Variants in EDARADD observed in about 807,000 individuals in gnomAD.
EDARADD encodes ectodysplasin-A receptor-associated adapter protein.
A neutral mutation model predicts 25.6 loss-of-function variants in EDARADD; 20 were observed. The observed-to-expected ratio is 0.78, with a 90% CI of 0.55 to 1.14. The LOEUF is 1.14. Ranked by LOEUF, EDARADD falls within the 50% of genes most tolerant of loss-of-function variation. EDARADD has a pLI of 0.00. For synonymous variants in EDARADD, 86 were observed against 94.4 expected (o/e 0.91, Z 0.52); for missense variants, 225 against 270.1 (o/e 0.83, Z 1.17).
chr1:236,395,614 C>A lies in EDARADD; in HGVS notation c.61+1109C>A. ...CCAGCCCCGCTCGGACGCTCGTTTG[C>A]CCCTAACCCGCCGCCATGGCTTCAC... On this transcript the variant is annotated intron_variant, in intron 1 of 5. Coordinates refer to ENST00000334232, the MANE Select transcript of EDARADD (RefSeq NM_145861.4). This position sits in a 1 kb window ranked among gnomAD's most constrained non-coding sequence, Gnocchi z 6.9. 6.4e-7 allele frequency: 1 copy of A among 1,564,272 alleles called. No homozygotes were observed. The highest frequency in any genetic ancestry group is 2.4e-5 in the East Asian group (1 of 42,178).
intron 3 of EDARADD, among the ~76,000 whole-genome samples, chr1:236,425,207 G>T (rs956622752): frequency 2.0e-5 from 3 of 152,234 alleles, no homozygotes; most frequent in African/African-American, 7.2e-5. Context: ...GCACAGCTGG[G>T]TGCGCTCGCC....
chr1:236,460,931 C>T (rs1202054511), intron 4 of EDARADD, among the ~76,000 whole-genome samples: 1 of 152,078 alleles, frequency 6.6e-6, no homozygotes, highest in Non-Finnish European at 1.5e-5. Context: ...AAGCGATTCT[C>T]CTGCCTCAGC....
chr1:236,364,306 A>G (rs637717), intron 3 of EDARADD, among the ~76,000 whole-genome samples: 51,949 of 151,676 alleles, frequency 0.34, 9,096 homozygotes, highest in African/African-American at 0.42. Context: ...TTGGTCTGTC[A>G]TAGCCTTGTC....
rs78641518 is a variant in EDARADD, at chr1:236,464,441, T to C, written c.220-3790T>C. Among the ~76,000 whole-genome samples the C allele has an allele frequency of 4.4e-3, 550 of 126,146 alleles. 5 individuals carry two copies. The highest frequency in any genetic ancestry group is 9.1e-3 in the South Asian group (34 of 3,718). 82.8% of individuals were successfully genotyped at this position (126,146 alleles called of 152,430 possible). Reference sequence around the variant, plus strand: ...GCTGCAACTTTTTTTTTTTTTTTTTTTTTTTTTTTGAGACAGAATCTCGCT... The same window carrying C: ...GCTGCAACTTTTTTTTTTTTTTTTTCTTTTTTTTTGAGACAGAATCTCGCT... On this transcript the variant is annotated intron_variant, in intron 4 of 5. Coordinates refer to ENST00000334232, the MANE Select transcript of EDARADD (RefSeq NM_145861.4).
intron 5 of EDARADD, among the ~76,000 whole-genome samples, chr1:236,469,967 C>T (rs1215610325): frequency 6.6e-6 from 1 of 152,000 alleles, no homozygotes; most frequent in African/African-American, 2.4e-5. Context: ...GCTTCGGCCT[C>T]CTAAAGTGCT....
intron 5 of EDARADD, among the ~76,000 whole-genome samples, chr1:236,469,585 C>A (rs1282856794): frequency 6.6e-6 from 1 of 152,078 alleles, no homozygotes; most frequent in Non-Finnish European, 1.5e-5. Flanking sequence ...AGTTTTGTTT[C>A]TTTCTTTCTT....
chr1:236,457,817 C>T (rs1188397799), intron 4 of EDARADD, among the ~76,000 whole-genome samples: 2 of 131,002 alleles, frequency 1.5e-5, no homozygotes, highest in African/African-American at 6.2e-5. Flanking sequence ...AGACTCTGTC[C>T]CCCACCAAAA....
intron 3 of EDARADD, among the ~76,000 whole-genome samples, chr1:236,351,469 C>T (rs1271469500): frequency 1.3e-5 from 2 of 152,080 alleles, no homozygotes; most frequent in Admixed American, 6.5e-5. Flanking sequence ...CCTATAATCC[C>T]AGCACTTTGG....
rs774580843 is a variant in EDARADD at position 236,482,670 on chromosome 1, T to C, written c.*21T>C. On this transcript the variant is annotated 3_prime_UTR_variant, in exon 6 of 6. Coordinates refer to ENST00000334232, the MANE Select transcript of EDARADD (RefSeq NM_145861.4). ...TCTAGAGCTCTTCTTCTTCCTTCAT[T>C]GGCCTCTCCGGATGTTGAAACAACC... The C allele has an allele frequency of 3.1e-6, 5 of 1,610,614 alleles. No individual in the cohort carries two copies. The highest frequency in any genetic ancestry group is 4.2e-6 in the Non-Finnish European group (5 of 1,180,010).
upstream of EDARADD, among the ~76,000 whole-genome samples, chr1:236,393,394 T>TTTTC (rs1667455387): frequency 8.4e-6 from 1 of 118,890 alleles, no homozygotes; most frequent in African/African-American, 3.5e-5. Context: ...TTTCTTTCTT[T>TTTTC]TTTTTTTTTT....
At chr1:236,428,759 C>T (rs1400134697) in intron 4 of EDARADD, among the ~76,000 whole-genome samples, 7 of 150,432 alleles carry the variant, frequency 4.7e-5, no homozygotes, top group African/African-American at 1.5e-4. Flanking sequence ...GCTGCAATCT[C>T]GGCACTTTGG....
intron 4 of EDARADD, among the ~76,000 whole-genome samples, chr1:236,447,040 AG>A (rs1262568523): frequency 1.3e-5 from 2 of 152,142 alleles, no homozygotes; most frequent in Non-Finnish European, 2.9e-5. Context: ...GCAGGTCACC[AG>A]TGCTGGCACC....
rs151034021 is a variant in EDARADD at position 236,376,262 on chromosome 1, C to T, written c.-6+25423C>T. 5.5e-4 allele frequency among the ~76,000 whole-genome samples: 83 copies of T among 152,230 alleles called. No homozygotes were observed. The East Asian group carries it at 0.012, about 22-fold the overall frequency. On this transcript the variant is annotated intron_variant, in intron 3 of 7. Transcript: ENST00000439430. ...CTTTCACTTTTTTCGAAAGATCTTC[C>T]TTTCTTTATGTAATCTGAGTTTCTG...
Position 236,483,456 on chromosome 1 carries a change from G to A in EDARADD, c.*807G>A, listed in dbSNP as rs1659739865. On this transcript the variant is annotated 3_prime_UTR_variant, in exon 6 of 6. Transcript: ENST00000334232. Reference sequence around the variant, plus strand: ...GATTGACAAACTTATGATAGAGATGGATGGAACAGAAAATAAATCTAAATT... The same window carrying A: ...GATTGACAAACTTATGATAGAGATGAATGGAACAGAAAATAAATCTAAATT... The A allele has an allele frequency of 1.9e-6, 2 of 1,038,864 alleles. No homozygotes were observed. Among genetic ancestry groups the A allele is most frequent in the Admixed American group, 1.7e-5 (1 of 58,818 alleles). The allele number at this position is 1,038,864 out of a possible 1,614,324, so 64.4% of individuals were successfully genotyped here.
chr1:236,412,588 C>T (rs989898696), intron 2 of EDARADD, among the ~76,000 whole-genome samples: 3 of 152,170 alleles, frequency 2.0e-5, no homozygotes, highest in Non-Finnish European at 2.9e-5. Flanking sequence ...CTATACCCTC[C>T]GCTCTTCCAG....
chr1:236,403,356 C>T (rs1054080837), intron 1 of EDARADD, among the ~76,000 whole-genome samples: 12 of 152,214 alleles, frequency 7.9e-5, no homozygotes, highest in Admixed American at 2.0e-4. Flanking sequence ...GGCGTGATCT[C>T]GACTCACTGC....
chr1:236,358,968 G>C (rs1667014510), intron 3 of EDARADD, among the ~76,000 whole-genome samples: 1 of 152,122 alleles, frequency 6.6e-6, no homozygotes, highest in Non-Finnish European at 1.5e-5. Flanking sequence ...ATTGATAGTT[G>C]GGTGTTAAAG....
At position 236,395,630 on chromosome 1, in the gene EDARADD, A is replaced by G. The variant is rs1317789259; in HGVS notation, c.61+1125A>G. On this transcript the variant is annotated intron_variant, in intron 1 of 5. Transcript: ENST00000334232. This position sits in a 1 kb window ranked among gnomAD's most constrained non-coding sequence, Gnocchi z 6.9. Reference sequence around the variant, plus strand: ...GCTCGTTTGCCCCTAACCCGCCGCCATGGCTTCACCGGACGACCCTCTGCG... The same window carrying G: ...GCTCGTTTGCCCCTAACCCGCCGCCGTGGCTTCACCGGACGACCCTCTGCG... 7.6e-6 allele frequency: 12 copies of G among 1,573,288 alleles called. No individual in the cohort carries two copies. The highest frequency in any genetic ancestry group is 1.0e-5 in the Non-Finnish European group (12 of 1,161,850).
chr1:236,469,756 T>C (rs1659309607), intron 5 of EDARADD, among the ~76,000 whole-genome samples: 2 of 151,222 alleles, frequency 1.3e-5, no homozygotes, highest in Non-Finnish European at 2.9e-5. Flanking sequence ...CAGTTCTCTC[T>C]GGAAGGTGCA....
Sources: allele counts gnomAD v4.1 joint callset (sites outside exome capture counted in the v4.1 genomes callset), GRCh38; gene constraint gnomAD v4.1.1; non-coding constraint Gnocchi (gnomAD v3.1); transcripts MANE v1.5; gene names NCBI Gene and HGNC (gene_info 2026-07-23, HGNC 2026-07-21).